Variants in INSC observed in about 807,000 individuals in gnomAD.
INSC encodes protein inscuteable homolog.
INSC carries 67 observed loss-of-function variants against 58.6 expected under a neutral mutation model. That is an observed-to-expected ratio of 1.14 (90% confidence interval 0.94 to 1.40). The LOEUF is 1.40. INSC is among the 40% of genes most tolerant of loss of function. INSC has a pLI of 0.00. For missense variants in INSC, 714 were observed against 692.0 expected (o/e 1.03, Z -0.36); for synonymous variants, 262 against 276.1 (o/e 0.95, Z 0.51).
chr11:15,175,772 C>T lies in INSC; in HGVS notation c.88C>T (p.Arg30Cys), dbSNP rs767511313. The T allele has an allele frequency of 1.1e-5, 18 of 1,590,452 alleles. No homozygotes were observed. The highest frequency in any genetic ancestry group is 9.0e-5 in the East Asian group (4 of 44,382). ...LHLMQVDSVQ[R>C]WMEDLKLMTE... ...CCTGATGCAGGTGGACTCAGTCCAG[C>T]GCTGGATGGAAGATCTGAAGCTCAT... The change falls in exon 3 of 13, where the codon CGC (arginine) becomes TGC (cysteine). Residue 30 changes from arginine to cysteine, a missense_variant. Arg to Cys is a radical substitution (Grantham distance 180). Transcript: ENST00000379556.
intron 7 of INSC, among the ~76,000 whole-genome samples, chr11:15,205,512 A>C (rs1372364349): frequency 2.0e-5 from 3 of 152,222 alleles, no homozygotes. Context: ...ACAGCGAATA[A>C]ATGGTGGCTA....
intron 9 of INSC, among the ~76,000 whole-genome samples, chr11:15,229,066 G>T (rs982277402): frequency 4.6e-5 from 7 of 152,102 alleles, no homozygotes; most frequent in African/African-American, 1.4e-4. Flanking sequence ...GGTAGGAAAC[G>T]GGCTGCCTCC....
intron 6 of INSC, among the ~76,000 whole-genome samples, chr11:15,192,022 A>C (rs1261508192): frequency 6.6e-6 from 1 of 152,228 alleles, no homozygotes; most frequent in Non-Finnish European, 1.5e-5. Context: ...AAATGCAAGG[A>C]TTTGCTCAAG....
At chr11:15,252,559 G>A in the INSC span, among the ~76,000 whole-genome samples, 4 of 152,094 alleles carry the variant, frequency 2.6e-5, no homozygotes, top group Non-Finnish European at 5.9e-5. Context: ...CTGCTTCAGC[G>A]TCCTCTTGAT....
downstream of INSC, among the ~76,000 whole-genome samples, chr11:15,247,459 T>C (rs1852599599): frequency 6.6e-6 from 1 of 152,162 alleles, no homozygotes; most frequent in Non-Finnish European, 1.5e-5. Context: ...ACAAAGGTAA[T>C]GTCTAGGTCC....
intron 2 of INSC, among the ~76,000 whole-genome samples, chr11:15,155,122 C>A (rs2133766068): frequency 6.6e-6 from 1 of 152,326 alleles, no homozygotes; most frequent in South Asian, 2.1e-4. Context: ...AGCATTCTAA[C>A]ATTCTGCAAA....
At chr11:15,250,295 T>C (rs1300138399), downstream of INSC, among the ~76,000 whole-genome samples, 1 of 152,232 alleles carries the variant, frequency 6.6e-6, no homozygotes, top group Non-Finnish European at 1.5e-5. Context: ...TGTTCTCTCA[T>C]CTGTAAAGTA....
Position 15,240,446 on chromosome 11 carries a change from G to C in INSC, c.1394-1G>C. Reference sequence around the variant, plus strand: ...TGAGGCTCTCCCTGTGTCTCCTACAGGCATGTCCCGTCTCATCGAGCTCTG... The same window carrying C: ...TGAGGCTCTCCCTGTGTCTCCTACACGCATGTCCCGTCTCATCGAGCTCTG... On this transcript the variant is annotated splice_acceptor_variant, in intron 11 of 12. Coordinates refer to ENST00000379556, the MANE Select transcript of INSC (RefSeq NM_001042536.3). LOFTEE classifies it high-confidence loss of function. 1 of 1,613,694 alleles carries C rather than the reference G, an allele frequency of 6.2e-7. No homozygotes were observed. The highest frequency in any genetic ancestry group is 8.5e-7 in the Non-Finnish European group (1 of 1,179,810).
At chr11:15,203,234 A>G (rs1406598410) in intron 7 of INSC, among the ~76,000 whole-genome samples, 2 of 152,148 alleles carry the variant, frequency 1.3e-5, no homozygotes, top group Non-Finnish European at 2.9e-5. Context: ...AGAGCACTGA[A>G]AAGGTCCCTG....
intron 2 of INSC, among the ~76,000 whole-genome samples, chr11:15,161,164 T>C (rs955500128): frequency 3.9e-5 from 6 of 152,226 alleles, no homozygotes; most frequent in Admixed American, 3.9e-4. Context: ...ATGGATGTGA[T>C]AAAGTGTTGG....
At chr11:15,185,113 C>A (rs1318482380) in intron 5 of INSC, among the ~76,000 whole-genome samples, 1 of 152,148 alleles carries the variant, frequency 6.6e-6, no homozygotes, top group African/African-American at 2.4e-5. Context: ...CAAGGCTTTT[C>A]CAATTCTTTG....
intron 2 of INSC, among the ~76,000 whole-genome samples, chr11:15,151,109 A>G (rs187173427): frequency 5.3e-4 from 81 of 152,264 alleles, no homozygotes; most frequent in Admixed American, 3.8e-3. Flanking sequence ...CCTGGTCCTT[A>G]GCCTGTTAGG....
At chr11:15,154,190 G>A (rs999397267) in intron 2 of INSC, among the ~76,000 whole-genome samples, 1 of 152,196 alleles carries the variant, frequency 6.6e-6, no homozygotes, top group Non-Finnish European at 1.5e-5. Flanking sequence ...ATGATAAAAT[G>A]CACACAGTAG....
intron 7 of INSC, among the ~76,000 whole-genome samples, chr11:15,214,749 T>A (rs1851150702): frequency 6.6e-6 from 1 of 152,180 alleles, no homozygotes; most frequent in Non-Finnish European, 1.5e-5. Flanking sequence ...AGTGATTAGG[T>A]CATGAGGGCT....
At chr11:15,258,926 C>T in the INSC span, among the ~76,000 whole-genome samples, 205 of 152,196 alleles carry the variant, frequency 1.3e-3, no homozygotes, top group Non-Finnish European at 2.3e-3. Context: ...TTGTCAAATT[C>T]CAAAGAGAGA....
At chr11:15,190,938 T>C (rs1007840335) in intron 6 of INSC, 124 bp downstream of exon 6, 4 of 657,562 alleles carry the variant, frequency 6.1e-6, no homozygotes, top group African/African-American at 3.6e-5. Flanking sequence ...CTGAGTCTCC[T>C]TGGGAGAGTC....
chr11:15,137,510 G>C (rs1167225947), intron 1 of INSC, among the ~76,000 whole-genome samples: 2 of 152,178 alleles, frequency 1.3e-5, no homozygotes, highest in East Asian at 3.9e-4. Flanking sequence ...ATTTTAGCTA[G>C]ATCTTCTGGA....
chr11:15,259,010 T>C, the INSC span, among the ~76,000 whole-genome samples: 1 of 152,164 alleles, frequency 6.6e-6, no homozygotes, highest in African/African-American at 2.4e-5. Context: ...TGCTCTGTTC[T>C]TTGTGTAGCA....
chr11:15,208,805 G>GCGACC (rs1850910128), intron 7 of INSC, among the ~76,000 whole-genome samples: 1 of 152,186 alleles, frequency 6.6e-6, no homozygotes, highest in South Asian at 2.1e-4. Context: ...CTGTGCAACA[G>GCGACC]CGACCCCTGG....
Sources: gnomAD v4.1 joint callset for allele counts (sites outside exome capture counted in the v4.1 genomes callset) on GRCh38, gnomAD v4.1.1 for gene constraint, MANE v1.5 for transcripts, NCBI Gene and HGNC (gene_info 2026-07-23, HGNC 2026-07-21) for gene names.